Variants in FIP1L1 observed in about 807,000 individuals in gnomAD.
The protein encoded by FIP1L1 is factor interacting with PAPOLA and CPSF1.
FIP1L1 carries 21 observed loss-of-function variants against 84.6 expected under a neutral mutation model. The observed-to-expected ratio is 0.25, with a 90% CI of 0.18 to 0.36. FIP1L1 has a LOEUF of 0.36. Among genes scored for constraint, FIP1L1 ranks in the 10% least tolerant of loss-of-function variants. The pLI, the probability that FIP1L1 is intolerant of heterozygous loss-of-function variation, is 1.00. For missense variants in FIP1L1, 526 were observed against 751.1 expected (o/e 0.70, Z 3.50); for synonymous variants, 263 against 242.3 (o/e 1.09, Z -0.80).
At chr4:53,411,904 C>G (rs1162358089) in intron 10 of FIP1L1, among the ~76,000 whole-genome samples, 2 of 151,938 alleles carry the variant, frequency 1.3e-5, no homozygotes, top group African/African-American at 4.8e-5. Flanking sequence ...AGTGGCATAT[C>G]AGGAATGTAC....
intron 11 of FIP1L1, among the ~76,000 whole-genome samples, chr4:53,417,573 C>T (rs1760057552): frequency 8.0e-6 from 1 of 124,334 alleles, no homozygotes; most frequent in African/African-American, 2.9e-5. Context: ...ACCCGGGAGG[C>T]GGAGGTTGCA....
chr4:53,389,184 G>A (rs529448531), intron 5 of FIP1L1, among the ~76,000 whole-genome samples: 18 of 152,222 alleles, frequency 1.2e-4, no homozygotes, highest in African/African-American at 4.3e-4. Flanking sequence ...ATAAATTTCT[G>A]TTATGGACTG....
rs535705003 is a variant in FIP1L1 at position 53,404,256 on chromosome 4, C to T, written c.815+4417C>T. ...ATTCCCACCTATGAGTGAGAATATG[C>T]GGTGTTTGGTTTTTTGTTCTTGTGA... On this transcript the variant is annotated intron_variant, in intron 10 of 17. Transcript: ENST00000337488. Among the ~76,000 whole-genome samples the T allele has an allele frequency of 9.6e-3, 1,386 of 144,568 alleles. 21 individuals are homozygous for T. Among genetic ancestry groups the T allele is most frequent in the African/African-American group, 0.032 (1,231 of 39,052 alleles). The allele number at this position is 144,568 out of a possible 152,430, so 94.8% of individuals were successfully genotyped here. A position where few individuals can be genotyped will look rare whatever the true frequency, so the allele number is the denominator to read the frequency against.
rs1316656161 is a variant in FIP1L1, at chr4:53,460,833, A to G, written c.*1384A>G. On this transcript the variant is annotated 3_prime_UTR_variant, in exon 18 of 18. Transcript: ENST00000337488. ...ATTCTTTCTTTAAATATAAAAACTG[A>G]CAAGATAAATATAGTGTTTCAACTT... 14 of 1,328,962 alleles carry G rather than the reference A, an allele frequency of 1.1e-5. No homozygotes were observed. Among genetic ancestry groups the G allele is most frequent in the Non-Finnish European group, 1.5e-5 (14 of 964,752 alleles). The allele number at this position is 1,328,962 out of a possible 1,614,324, so 82.3% of individuals were successfully genotyped here. A position where few individuals can be genotyped will look rare whatever the true frequency, so the allele number is the denominator to read the frequency against.
intron 9 of FIP1L1, among the ~76,000 whole-genome samples, chr4:53,393,739 C>A (rs1745572193): frequency 7.0e-6 from 1 of 143,680 alleles, no homozygotes. Flanking sequence ...TTCATTTGTG[C>A]ACATATGCAT....
chr4:53,421,108 T>TA (rs1206364904), intron 11 of FIP1L1, among the ~76,000 whole-genome samples: 1 of 152,186 alleles, frequency 6.6e-6, no homozygotes, highest in African/African-American at 2.4e-5. Flanking sequence ...ACCACTGATT[T>TA]AGAGCCTTGA....
At chr4:53,450,887 C>T (rs117802067) in intron 15 of FIP1L1, among the ~76,000 whole-genome samples, 1 of 151,794 alleles carries the variant, frequency 6.6e-6, no homozygotes, top group East Asian at 1.9e-4. Context: ...TTACATCATC[C>T]ATCTTCATGT....
intron 15 of FIP1L1, among the ~76,000 whole-genome samples, chr4:53,445,909 C>T (rs1773991679): frequency 6.6e-6 from 1 of 152,126 alleles, no homozygotes; most frequent in South Asian, 2.1e-4. Flanking sequence ...ATATTCTGGT[C>T]TCCTACAGAA....
At chr4:53,458,903 C>T in intron 17 of FIP1L1, 113 bp downstream of exon 17, 1 of 1,212,130 alleles carries the variant, frequency 8.2e-7, no homozygotes, top group Non-Finnish European at 1.1e-6. Flanking sequence ...TGCTTGGTTT[C>T]ATTAAAGAAA....
chr4:53,399,883 T>C, intron 10 of FIP1L1, 44 bp downstream of exon 10: 1 of 1,261,258 alleles, frequency 7.9e-7, no homozygotes, highest in Non-Finnish European at 1.1e-6. Flanking sequence ...GACATTGGTA[T>C]CTTTACATTG....
At chr4:53,415,038 T>A (rs925810435) in intron 11 of FIP1L1, among the ~76,000 whole-genome samples, 8 of 152,080 alleles carry the variant, frequency 5.3e-5, no homozygotes, top group African/African-American at 1.7e-4. Context: ...TTAAAAAAAA[T>A]TCCCAGGTGC....
At chr4:53,457,439 TTC>T (rs1006073806) in intron 16 of FIP1L1, among the ~76,000 whole-genome samples, 7 of 152,286 alleles carry the variant, frequency 4.6e-5, no homozygotes, top group Middle Eastern at 3.4e-3. Context: ...TTAATACATT[TTC>T]TGTTTTTTTA....
Position 53,391,085 on chromosome 4 carries a change from GATACGAATGGGACTTGAAGTT to G in FIP1L1, c.587_607del (p.Arg196_Ile202del). 6.2e-7 allele frequency: 1 copy of G among 1,611,276 alleles called. No homozygotes were observed. Among genetic ancestry groups the G allele is most frequent in the East Asian group, 2.2e-5 (1 of 44,742 alleles). On this transcript the variant is annotated inframe_deletion, in exon 8 of 18. Transcript: ENST00000337488. ...AAGCTTACTGTGAAAAACAAAAGAG[GATACGAATGGGACTTGAAGTT>G]ATACCAGTAACCTCTACTACAAATA...
intron 16 of FIP1L1, 62 bp from the exon 17 acceptor site, chr4:53,458,591 G>A (rs950849852): frequency 1.9e-6 from 3 of 1,559,228 alleles, no homozygotes; most frequent in African/African-American, 2.7e-5. Flanking sequence ...CTCTTTTACA[G>A]TTTGAATCCA....
Position 53,444,020 on chromosome 4 carries a change from C to T in FIP1L1, c.1230-28C>T, listed in dbSNP as rs766186387. 11 of 1,530,254 alleles carry T rather than the reference C, an allele frequency of 7.2e-6. No individual in the cohort carries two copies. The South Asian group carries it at 7.9e-5, about 11-fold the overall frequency. The allele number at this position is 1,530,254 out of a possible 1,614,324, so 94.8% of individuals were successfully genotyped here. On this transcript the variant is annotated intron_variant, in intron 14 of 17. Transcript: ENST00000337488. ...AAATTCAGAACTTATTTGTACCAGA[C>T]ATAAAAATATATCTTTTTCTTCAAC...
At chr4:53,457,274 G>C (rs946889255) in intron 16 of FIP1L1, among the ~76,000 whole-genome samples, 1 of 152,012 alleles carries the variant, frequency 6.6e-6, no homozygotes, top group Non-Finnish European at 1.5e-5. Flanking sequence ...GATCCTGTGT[G>C]TACTCCACTT....
At chr4:53,403,762 G>A (rs572457707) in intron 10 of FIP1L1, among the ~76,000 whole-genome samples, 4 of 152,278 alleles carry the variant, frequency 2.6e-5, no homozygotes, top group South Asian at 4.1e-4. Context: ...TATTGGGCTC[G>A]TTCTGTTGCC....
intron 15 of FIP1L1, among the ~76,000 whole-genome samples, chr4:53,445,829 T>C (rs1444305673): frequency 6.6e-6 from 1 of 152,174 alleles, no homozygotes; most frequent in Non-Finnish European, 1.5e-5. Flanking sequence ...GCTTTTCTTG[T>C]ATCTGCATCT....
intron 16 of FIP1L1, among the ~76,000 whole-genome samples, chr4:53,457,009 A>G (rs901774356): frequency 5.9e-5 from 9 of 152,254 alleles, no homozygotes; most frequent in South Asian, 2.1e-4. Context: ...TTTATTTCCT[A>G]TGGTGCTAGT....
Sources: gnomAD v4.1 joint callset for allele counts (sites outside exome capture counted in the v4.1 genomes callset) on GRCh38, gnomAD v4.1.1 for gene constraint, MANE v1.5 for transcripts, NCBI Gene and HGNC (gene_info 2026-07-23, HGNC 2026-07-21) for gene names.